Variants in COL5A2 observed in about 807,000 individuals in gnomAD.
COL5A2 encodes collagen alpha-2(V) chain.
In COL5A2, 23 loss-of-function variants were observed where a neutral mutation model predicts 208.2. The observed-to-expected ratio is 0.11, with a 90% CI of 0.08 to 0.16. COL5A2 has a LOEUF of 0.16. Ranked by LOEUF, COL5A2 falls within the 10% of genes least tolerant of loss-of-function variation. The pLI, the probability that COL5A2 is intolerant of heterozygous loss-of-function variation, is 1.00. For synonymous variants in COL5A2, 625 were observed against 628.5 expected, an observed-to-expected ratio of 0.99 and a Z score of 0.08; for missense variants, 1,590 against 1,956.4, an observed-to-expected ratio of 0.81 and a Z score of 3.53.
In COL5A2 at chr2:189,155,586, G is replaced by C. The variant is rs1688229958; in HGVS notation, c.97+23922C>G. On this transcript the variant is annotated intron_variant, in intron 1 of 53. Coordinates refer to ENST00000374866, the MANE Select transcript of COL5A2 (RefSeq NM_000393.5). Reference sequence around the variant, plus strand: ...TAAATTTAAACAGCTACATGTGTTAGTGTATATTATATTGGACAGCACTGT... The same window carrying C: ...TAAATTTAAACAGCTACATGTGTTACTGTATATTATATTGGACAGCACTGT... 2.0e-5 allele frequency among the ~76,000 whole-genome samples: 3 copies of C among 152,136 alleles called. No homozygotes were observed. In the South Asian group the frequency reaches 6.2e-4, roughly 32 times the overall value.
At chr2:189,054,098 A>G (rs1392219422) in intron 36 of COL5A2, 61 bp downstream of exon 36, 1 of 1,494,738 alleles carries the variant, frequency 6.7e-7, no homozygotes, top group Non-Finnish European at 9.3e-7. Context: ...AAGATTTATG[A>G]AAGAGCCTGC....
At chr2:189,188,157 T>G (rs1688878946) in intron 1 of COL5A2, among the ~76,000 whole-genome samples, 1 of 152,132 alleles carries the variant, frequency 6.6e-6, no homozygotes, top group African/African-American at 2.4e-5. Context: ...GTTCTTTAAG[T>G]TTTAGCAAAT....
intron 25 of COL5A2, 103 bp from the exon 26 acceptor site, chr2:189,064,136 G>T: frequency 2.3e-6 from 2 of 888,166 alleles, no homozygotes; most frequent in South Asian, 3.0e-5. Context: ...TGAATAGAAT[G>T]ACATTTCTGT....
intron 14 of COL5A2, among the ~76,000 whole-genome samples, 178 bp downstream of exon 14, chr2:189,079,790 GAGGCATATCA>G (rs879621887): frequency 4.6e-5 from 7 of 152,062 alleles, no homozygotes; most frequent in Non-Finnish European, 8.8e-5. Context: ...GCTATTCTTG[GAGGCATATCA>G]AGTCATGTCA....
intron 1 of COL5A2, among the ~76,000 whole-genome samples, chr2:189,215,637 T>A (rs10184895): frequency 0.14 from 21,884 of 152,004 alleles, 2,668 homozygotes; most frequent in African/African-American, 0.32. Context: ...TTTTGGGCAG[T>A]GCTATTCTGA....
intron 18 of COL5A2, among the ~76,000 whole-genome samples, chr2:189,069,743 ATT>A (rs1686229930): frequency 6.6e-6 from 1 of 152,232 alleles, no homozygotes; most frequent in Admixed American, 6.5e-5. Flanking sequence ...AGAACAATAA[ATT>A]GTTTCCTTGC....
the COL5A2 span, among the ~76,000 whole-genome samples, chr2:189,329,908 TG>T: frequency 2.0e-5 from 3 of 151,522 alleles, no homozygotes; most frequent in Admixed American, 6.6e-5. Context: ...AAATAATGGT[TG>T]TTTTTTTTTT....
At chr2:189,431,282 T>G in the COL5A2 span, among the ~76,000 whole-genome samples, 3 of 152,156 alleles carry the variant, frequency 2.0e-5, no homozygotes, top group Admixed American at 1.3e-4. Context: ...AGAGTGCCTC[T>G]TCTCCTCCAA....
chr2:189,183,561 A>G (rs1377186340), upstream of COL5A2, among the ~76,000 whole-genome samples: 2 of 152,124 alleles, frequency 1.3e-5, no homozygotes, highest in African/African-American at 4.8e-5. Flanking sequence ...ATCCAAAATG[A>G]AACTATTATC....
intron 1 of COL5A2, among the ~76,000 whole-genome samples, chr2:189,220,191 G>A (rs1238187155): frequency 6.6e-6 from 1 of 152,140 alleles, no homozygotes; most frequent in African/African-American, 2.4e-5. Context: ...TTTTCTTAAA[G>A]GGAGATCCAG....
At chr2:189,165,176 A>T (rs1688441637) in intron 1 of COL5A2, among the ~76,000 whole-genome samples, 1 of 152,350 alleles carries the variant, frequency 6.6e-6, no homozygotes, top group East Asian at 1.9e-4. Flanking sequence ...TGTACCACTT[A>T]ATTTGCCAAA....
intron 44 of COL5A2, among the ~76,000 whole-genome samples, 193 bp downstream of exon 44, chr2:189,049,154 C>G (rs745833014): frequency 5.4e-4 from 82 of 152,228 alleles, no homozygotes; most frequent in Non-Finnish European, 9.7e-4. Context: ...GCAAAGACAC[C>G]GATCCTATTA....
intron 1 of COL5A2, among the ~76,000 whole-genome samples, chr2:189,201,578 A>T (rs976377417): frequency 6.6e-6 from 1 of 152,066 alleles, no homozygotes; most frequent in African/African-American, 2.4e-5. Flanking sequence ...ATAATTTTCC[A>T]AAGTTAGAAA....
chr2:189,258,844 G>C, the COL5A2 span, among the ~76,000 whole-genome samples: 1 of 152,120 alleles, frequency 6.6e-6, no homozygotes, highest in Non-Finnish European at 1.5e-5. Context: ...CTTCAGCTCT[G>C]ACAGCCAATG....
the COL5A2 span, among the ~76,000 whole-genome samples, chr2:189,266,093 G>A: frequency 6.6e-6 from 1 of 152,090 alleles, no homozygotes; most frequent in Non-Finnish European, 1.5e-5. Context: ...AAATATTCAT[G>A]TGGTATATCC....
At chr2:189,112,142 C>A (rs1687296040) in intron 1 of COL5A2, among the ~76,000 whole-genome samples, 1 of 152,180 alleles carries the variant, frequency 6.6e-6, no homozygotes, top group Non-Finnish European at 1.5e-5. Context: ...CAGCCGTGAA[C>A]CACTGTGCCC....
the COL5A2 span, among the ~76,000 whole-genome samples, chr2:189,392,220 G>A: frequency 3.3e-5 from 5 of 152,110 alleles, no homozygotes; most frequent in Non-Finnish European, 2.9e-5. Context: ...ATTTGGGGAT[G>A]TGAATAACTG....
At chr2:189,265,125 T>C in the COL5A2 span, among the ~76,000 whole-genome samples, 1 of 152,196 alleles carries the variant, frequency 6.6e-6, no homozygotes, top group South Asian at 2.1e-4. Flanking sequence ...CTAAGTATTA[T>C]AAGAACAAAA....
intron 1 of COL5A2, among the ~76,000 whole-genome samples, chr2:189,164,335 T>C (rs768029034): frequency 2.0e-5 from 3 of 152,156 alleles, no homozygotes; most frequent in Non-Finnish European, 4.4e-5. Context: ...AGTCCAGTTA[T>C]AGCAGAAAAA....
Sources: gnomAD v4.1 joint callset for allele counts (sites outside exome capture counted in the v4.1 genomes callset) on GRCh38, gnomAD v4.1.1 for gene constraint, MANE v1.5 for transcripts, NCBI Gene and HGNC (gene_info 2026-07-23, HGNC 2026-07-21) for gene names.